The following PHF8 variants were observed in gnomAD, a reference collection of about 807,000 sequenced individuals.
PHF8 encodes PHD finger protein 8, also known as histone lysine demethylase PHF8.
Under a neutral mutation model 74.4 loss-of-function variants are expected in PHF8, and 9 were observed. The observed-to-expected ratio is 0.12, with a 90% CI of 0.07 to 0.21. The LOEUF (loss-of-function observed/expected upper bound fraction) is 0.21, where lower values mean the gene tolerates loss of function less well. Ranked by LOEUF, PHF8 falls within the 10% of genes least tolerant of loss-of-function variation. The probability of loss-of-function intolerance (pLI) is 1.00; values close to 1 mark genes in which losing one functional copy is unlikely to be tolerated. For missense variants in PHF8, 478 were observed against 816.6 expected, an observed-to-expected ratio of 0.59 and a Z score of 5.05; for synonymous variants, 311 against 316.6, an observed-to-expected ratio of 0.98 and a Z score of 0.19.
chrX:53,972,168 G>A (rs1370560506), intron 18 of PHF8, among the ~76,000 whole-genome samples: 2 of 108,962 alleles, frequency 1.8e-5, no homozygotes, highest in Admixed American at 2.0e-4. Flanking sequence ...ACTAAAAATA[G>A]AAAAATTAGC....
At chrX:54,010,622 A>G (rs1029348001) in intron 8 of PHF8, among the ~76,000 whole-genome samples, 9 of 111,529 alleles carry the variant, frequency 8.1e-5, no homozygotes, top group Admixed American at 1.9e-4. Context: ...CTGTATTCAT[A>G]TAAGACCTAA....
chrX:53,937,771 G>T lies in PHF8; in HGVS notation c.*1387C>A. 1 of 388,732 alleles carries T rather than the reference G, an allele frequency of 2.6e-6. No individual in the cohort carries two copies. Among genetic ancestry groups the T allele is most frequent in the Non-Finnish European group, 4.5e-6 (1 of 222,978 alleles). The allele number at this position is 388,732 out of a possible 1,213,427, so 32.0% of individuals were successfully genotyped here. On this transcript the variant is annotated 3_prime_UTR_variant, in exon 22 of 22. Coordinates refer to ENST00000338154, the MANE Select transcript of PHF8 (RefSeq NM_015107.3). ...ATTCCCCAGAAGCATTGGGCAAGCT[G>T]GGGTGAGGTTGGAGTGGGTGGTACA...
intron 14 of PHF8, 126 bp downstream of exon 14, chrX:53,992,610 G>A: frequency 2.0e-6 from 1 of 506,474 alleles, no homozygotes. Flanking sequence ...TAATATCTAG[G>A]TATTGCCCTA....
intron 20 of PHF8, chrX:53,943,491 G>C: frequency 1.1e-6 from 1 of 941,458 alleles, no homozygotes; most frequent in Admixed American, 4.0e-5. Context: ...AACTAACAAA[G>C]CAGATGCTTA....
At chrX:54,011,616 G>A (rs1557106760) in intron 7 of PHF8, among the ~76,000 whole-genome samples, 1 of 111,604 alleles carries the variant, frequency 9.0e-6, no homozygotes, top group East Asian at 2.8e-4. Context: ...CAGATGAGTA[G>A]ATCAATACTA....
intron 18 of PHF8, among the ~76,000 whole-genome samples, chrX:53,967,408 T>C (rs2065223316): frequency 2.1e-5 from 2 of 95,695 alleles, no homozygotes; most frequent in African/African-American, 8.0e-5. Flanking sequence ...GTCCGGGAGG[T>C]GAGGGGCGCC....
chrX:54,027,039 C>T (rs1321889271), intron 2 of PHF8, among the ~76,000 whole-genome samples: 3 of 111,443 alleles, frequency 2.7e-5, no homozygotes, highest in African/African-American at 9.8e-5. Flanking sequence ...TACACCCATC[C>T]TTTTTTTCCT....
chrX:53,986,116 T>C (rs782739634), intron 16 of PHF8, among the ~76,000 whole-genome samples, 167 bp from the exon 17 acceptor site: 1 of 112,768 alleles, frequency 8.9e-6, no homozygotes, highest in East Asian at 2.8e-4. Context: ...AAGGCATCTT[T>C]GTGAGCTAGG....
intron 18 of PHF8, among the ~76,000 whole-genome samples, chrX:53,981,329 C>T (rs2065476401): frequency 8.9e-6 from 1 of 112,316 alleles, no homozygotes; most frequent in South Asian, 3.7e-4. Context: ...CAGTGGTAGA[C>T]TTTTTCACAA....
intron 18 of PHF8, among the ~76,000 whole-genome samples, chrX:53,966,237 C>G (rs1238115467): frequency 9.0e-6 from 1 of 111,323 alleles, no homozygotes; most frequent in African/African-American, 3.3e-5. Flanking sequence ...CCTCTCCCCA[C>G]GGTCTCCCTC....
intron 4 of PHF8, among the ~76,000 whole-genome samples, chrX:54,019,638 A>G (rs1245602060): frequency 2.8e-5 from 3 of 107,648 alleles, no homozygotes; most frequent in Non-Finnish European, 5.8e-5. Context: ...TAAAAATACA[A>G]AAATTAGCTG....
rs782797933 is a variant in PHF8, at chrX:54,022,810, G to C, written c.132C>G (p.Asp44Glu). 4.2e-6 allele frequency: 5 copies of C among 1,197,708 alleles called. No individual in the cohort carries two copies. Among genetic ancestry groups the C allele is most frequent in the African/African-American group, 1.8e-5 (1 of 56,996 alleles). ...AGTTGGGGCAGTGGTAGAGGTCAAT[G>C]TCAGCAGCCTTCTCCTCTTCAACAC... ...CVGVEEEKAADIDLYHCPNCE... is the reference protein window; with the variant it reads ...CVGVEEEKAAEIDLYHCPNCE... Residue 44 changes from aspartate to glutamate, a missense_variant, in exon 3 of 22, where the codon GAC (aspartate) becomes GAG (glutamate). Around this residue, in one of 9 missense-constraint regions of PHF8, gnomAD observed 15 missense variants for 50.6 expected, o/e 0.30. Transcript: ENST00000338154.
chrX:53,981,875 C>T (rs1232969547), intron 18 of PHF8, among the ~76,000 whole-genome samples: 2 of 111,847 alleles, frequency 1.8e-5, no homozygotes, highest in African/African-American at 6.5e-5. Flanking sequence ...CCAGTATAGC[C>T]GAAATGCCTC....
intron 18 of PHF8, among the ~76,000 whole-genome samples, chrX:53,969,106 G>A (rs978156581): frequency 1.8e-5 from 2 of 109,948 alleles, no homozygotes; most frequent in Admixed American, 9.8e-5. Context: ...GTGGTGGTGG[G>A]CACCTGTAGT....
rs181452813 is a variant in PHF8 at position 54,023,221 on chromosome X, C to T, written c.99-378G>A. Among the ~76,000 whole-genome samples the T allele has an allele frequency of 9.1e-4, 101 of 111,406 alleles. No individual in the cohort carries two copies. The East Asian group carries it at 0.028, about 31-fold the overall frequency. Reference sequence around the variant, plus strand: ...CAAACTCCTGAGTTCAAGTGATCCACCTGCCTCTGCCTCCCGAAGTGCTAG... The same window carrying T: ...CAAACTCCTGAGTTCAAGTGATCCATCTGCCTCTGCCTCCCGAAGTGCTAG... On this transcript the variant is annotated intron_variant, in intron 2 of 21. Transcript: ENST00000338154.
intron 10 of PHF8, among the ~76,000 whole-genome samples, chrX:54,000,878 G>A (rs1185512824): frequency 8.9e-6 from 1 of 112,680 alleles, no homozygotes; most frequent in East Asian, 2.8e-4. Context: ...TTAACCAGCA[G>A]GAAATAGAGA....
chrX:54,040,615 C>T (rs782423388), intron 2 of PHF8, among the ~76,000 whole-genome samples: 1 of 111,457 alleles, frequency 9.0e-6, no homozygotes, highest in South Asian at 3.8e-4. Context: ...CGTACAAAGA[C>T]AAAAAGGCAT....
intron 8 of PHF8, among the ~76,000 whole-genome samples, chrX:54,007,936 A>G (rs1182593594): frequency 1.8e-5 from 2 of 112,412 alleles, no homozygotes; most frequent in African/African-American, 6.5e-5. Flanking sequence ...TTACGTTCAC[A>G]CAATAACTCG....
At chrX:54,032,042 C>A (rs192313647) in intron 2 of PHF8, among the ~76,000 whole-genome samples, 2 of 111,397 alleles carry the variant, frequency 1.8e-5, no homozygotes, top group East Asian at 5.6e-4. Flanking sequence ...CTACCTTGCT[C>A]CTCACCTTTA....
Sources: allele counts gnomAD v4.1 joint callset (sites outside exome capture counted in the v4.1 genomes callset), GRCh38; gene constraint gnomAD v4.1.1; regional missense constraint gnomAD v4.1.1; transcripts MANE v1.5; gene names NCBI Gene and HGNC (gene_info 2026-07-23, HGNC 2026-07-21).